AAK1: variants seen among roughly 807,000 people sequenced by gnomAD.
AAK1 encodes the protein AP2 associated kinase 1.
A neutral mutation model predicts 116.0 loss-of-function variants in AAK1; 37 were observed. The ratio of observed to expected loss-of-function variants is 0.32; its 90% CI spans 0.25 to 0.42. AAK1 has a LOEUF of 0.42. AAK1 is among the 10% of genes least tolerant of loss of function. The pLI, the probability that AAK1 is intolerant of heterozygous loss-of-function variation, is 1.00. For synonymous variants in AAK1, 458 were observed against 439.9 expected (o/e 1.04, Z -0.51); for missense variants, 919 against 1,170.6 (o/e 0.79, Z 3.14).
At chr2:69,596,385 C>A (rs1410648702) in intron 2 of AAK1, among the ~76,000 whole-genome samples, 4 of 152,078 alleles carry the variant, frequency 2.6e-5, no homozygotes, top group Admixed American at 2.6e-4. Flanking sequence ...CCACGCCCAG[C>A]TAATTTTTGT....
At chr2:69,507,685 A>C (rs541529396) in intron 14 of AAK1, 107 bp from the exon 15 acceptor site, 1 of 1,177,222 alleles carries the variant, frequency 8.5e-7, no homozygotes, top group African/African-American at 1.6e-5. Flanking sequence ...TTCTGGGTCA[A>C]ACCATCATTT....
intron 2 of AAK1, among the ~76,000 whole-genome samples, chr2:69,582,462 T>C (rs1220013876): frequency 6.6e-6 from 1 of 152,050 alleles, no homozygotes; most frequent in Non-Finnish European, 1.5e-5. Flanking sequence ...ACCCTACCAG[T>C]GGTTTCGGGG....
At chr2:69,563,049 G>C (rs1457683724) in intron 2 of AAK1, among the ~76,000 whole-genome samples, 1 of 152,150 alleles carries the variant, frequency 6.6e-6, no homozygotes. Flanking sequence ...GAGCAACAGA[G>C]CGAGACCCTC....
chr2:69,519,790 T>C (rs576132528), intron 11 of AAK1, among the ~76,000 whole-genome samples: 7 of 152,224 alleles, frequency 4.6e-5, no homozygotes, highest in African/African-American at 1.7e-4. Flanking sequence ...CATGAGGGGG[T>C]GTTAGATACT....
At chr2:69,587,424 C>T (rs28545274) in intron 2 of AAK1, among the ~76,000 whole-genome samples, 3 of 150,238 alleles carry the variant, frequency 2.0e-5, no homozygotes, top group Non-Finnish European at 4.4e-5. Context: ...TATATATACA[C>T]ATATATATAC....
intron 2 of AAK1, among the ~76,000 whole-genome samples, chr2:69,586,364 T>C (rs1312578067): frequency 6.6e-6 from 1 of 152,080 alleles, no homozygotes; most frequent in African/African-American, 2.4e-5. Flanking sequence ...TGGCACAAGG[T>C]AACCATGGGC....
chr2:69,464,183 T>C lies in AAK1; in HGVS notation c.*11686A>G, dbSNP rs1467936044. 6.6e-6 allele frequency: 1 copy of C among 150,428 alleles called. No homozygotes were observed. The highest frequency in any genetic ancestry group is 1.5e-5 in the Non-Finnish European group (1 of 68,004). 9.3% of individuals were successfully genotyped at this position (150,428 alleles called of 1,614,324 possible). A position where few individuals can be genotyped will look rare whatever the true frequency, so the allele number is the denominator to read the frequency against. On this transcript the variant is annotated 3_prime_UTR_variant, in exon 22 of 22. Transcript: ENST00000409085. ...AGATTTACATTTCCTCAAAAGGCAG[T>C]AGAGATTTGGAAACAACAACAACAA... is the stretch of plus-strand genomic sequence containing the variant.
In AAK1 at chr2:69,475,412, T is replaced by A; in HGVS notation, c.*457A>T. On this transcript the variant is annotated 3_prime_UTR_variant, in exon 22 of 22. Transcript: ENST00000409085. ...GTAGCCATGTCCTCATGATAATGCA[T>A]CAGGATAAAAAGCAAAAACAGGGAA... is the stretch of plus-strand genomic sequence containing the variant. The A allele has an allele frequency of 1.0e-6, 1 of 996,664 alleles. No homozygotes were observed. Among genetic ancestry groups the A allele is most frequent in the Non-Finnish European group, 1.2e-6 (1 of 836,276 alleles). The allele number at this position is 996,664 out of a possible 1,614,324, so 61.7% of individuals were successfully genotyped here. A position where few individuals can be genotyped will look rare whatever the true frequency, so the allele number is the denominator to read the frequency against.
intron 2 of AAK1, among the ~76,000 whole-genome samples, chr2:69,625,601 A>G (rs1328736816): frequency 6.6e-6 from 1 of 152,200 alleles, no homozygotes; most frequent in Non-Finnish European, 1.5e-5. Context: ...GTATGTGGTG[A>G]GGTCACTAAA....
intron 2 of AAK1, among the ~76,000 whole-genome samples, chr2:69,604,719 T>C (rs1411481757): frequency 6.6e-6 from 1 of 152,176 alleles, no homozygotes; most frequent in Non-Finnish European, 1.5e-5. Flanking sequence ...AGCGGTCCAG[T>C]GGGGCTGCAC....
At chr2:69,614,348 G>A (rs1674221509) in intron 2 of AAK1, among the ~76,000 whole-genome samples, 2 of 152,178 alleles carry the variant, frequency 1.3e-5, no homozygotes, top group Admixed American at 1.3e-4. Context: ...CACAGGGACA[G>A]GTGTAACAGC....
intron 17 of AAK1, among the ~76,000 whole-genome samples, chr2:69,493,185 G>A (rs1675608743): frequency 8.0e-6 from 1 of 124,406 alleles, no homozygotes. Flanking sequence ...AAAGGATGCA[G>A]TGGCCTTGAT....
At chr2:69,576,163 C>A (rs1040996594) in intron 2 of AAK1, among the ~76,000 whole-genome samples, 5 of 152,212 alleles carry the variant, frequency 3.3e-5, no homozygotes, top group Non-Finnish European at 7.3e-5. Flanking sequence ...TCACTCTCCA[C>A]TAGCCCAAGC....
At chr2:69,479,137 C>A (rs1674985761) in intron 19 of AAK1, 76 bp from the exon 20 acceptor site, 1 of 1,049,582 alleles carries the variant, frequency 9.5e-7, no homozygotes, top group Non-Finnish European at 1.5e-6. Flanking sequence ...GAGATTAGAT[C>A]TTAGCTTTTA....
At chr2:69,494,672 A>G (rs906495456) in intron 17 of AAK1, among the ~76,000 whole-genome samples, 1 of 152,104 alleles carries the variant, frequency 6.6e-6, no homozygotes, top group Non-Finnish European at 1.5e-5. Flanking sequence ...AACTTGTCCA[A>G]GTACTGCCAG....
chr2:69,616,704 T>C (rs1240541733), intron 2 of AAK1, among the ~76,000 whole-genome samples: 1 of 152,208 alleles, frequency 6.6e-6, no homozygotes, highest in Non-Finnish European at 1.5e-5. Flanking sequence ...TATTGCCAAG[T>C]GTCTCCTGGG....
Position 69,505,676 on chromosome 2 carries a change from GGA to G in AAK1, c.2165-5_2165-4del. 3.7e-6 allele frequency: 6 copies of G among 1,612,014 alleles called. No homozygotes were observed. The highest frequency in any genetic ancestry group is 5.1e-6 in the Non-Finnish European group (6 of 1,178,560). On this transcript the variant is annotated splice_polypyrimidine_tract_variant and splice_region_variant and intron_variant, in intron 15 of 21. Transcript: ENST00000409085. ...TCCAAGCTTCTCGGGATGTTTGCCTGGAGAGACAAAACACCACTCAGTTCATT... is the reference window on the plus strand; with the variant it reads ...TCCAAGCTTCTCGGGATGTTTGCCTGGAGACAAAACACCACTCAGTTCATT...
Position 69,618,695 on chromosome 2 carries a change from C to T in AAK1, c.163+24183G>A, listed in dbSNP as rs970052261. Among the ~76,000 whole-genome samples, 29 of 151,598 alleles carry T rather than the reference C, an allele frequency of 1.9e-4. No homozygotes were observed. In the South Asian group the frequency reaches 2.1e-3, roughly 11 times the overall value. ...GGATGCCTGTAGCATCTTGGCTTCCCTCCACTGCAACTCCTACCATCTTTC... is the reference window on the plus strand; with the variant it reads ...GGATGCCTGTAGCATCTTGGCTTCCTTCCACTGCAACTCCTACCATCTTTC... On this transcript the variant is annotated intron_variant, in intron 2 of 21. Coordinates refer to ENST00000409085, the MANE Select transcript of AAK1 (RefSeq NM_014911.5).
chr2:69,545,519 TAGC>T (rs1670886641), intron 3 of AAK1, among the ~76,000 whole-genome samples: 1 of 152,198 alleles, frequency 6.6e-6, no homozygotes, highest in African/African-American at 2.4e-5. Context: ...CATACAAACT[TAGC>T]AGTTTGGACC....
Sources: allele counts gnomAD v4.1 joint callset (sites outside exome capture counted in the v4.1 genomes callset), GRCh38; gene constraint gnomAD v4.1.1; transcripts MANE v1.5; gene names NCBI Gene and HGNC (gene_info 2026-07-23, HGNC 2026-07-21).